The following CLMP variants were observed in gnomAD, a reference collection of about 807,000 sequenced individuals.
CLMP encodes CXADR-like membrane protein.
Under a neutral mutation model 45.2 loss-of-function variants are expected in CLMP, and 27 were observed. That is an observed-to-expected ratio of 0.60 (90% CI 0.44 to 0.82). The LOEUF is 0.82. CLMP is among the 40% of genes least tolerant of loss of function. CLMP has a pLI of 0.00. For missense variants in CLMP, 403 were observed against 448.4 expected, an observed-to-expected ratio of 0.90 and a Z score of 0.91; for synonymous variants, 167 against 171.4, an observed-to-expected ratio of 0.97 and a Z score of 0.20.
rs187036219 is a variant in CLMP, at chr11:123,190,772, A to G, written c.28+4141T>C. 9.8e-5 allele frequency among the ~76,000 whole-genome samples: 15 copies of G among 152,352 alleles called. 1 individual carries two copies. Among genetic ancestry groups the G allele is most frequent in the Admixed American group, 9.8e-4 (15 of 15,304 alleles). On this transcript the variant is annotated intron_variant, in intron 1 of 6. Coordinates refer to ENST00000448775, the MANE Select transcript of CLMP (RefSeq NM_024769.5). ...TAAAAACCAATGCCAATTATTCAGC[A>G]TTTAGCTCACTTAACTGAAGCATCA...
chr11:123,193,364 G>A (rs1283379069), intron 1 of CLMP, among the ~76,000 whole-genome samples: 1 of 152,216 alleles, frequency 6.6e-6, no homozygotes, highest in Non-Finnish European at 1.5e-5. Flanking sequence ...ATATAACAAG[G>A]ACTATTAGCT....
chr11:123,127,643 TAA>T (rs575047722), intron 1 of CLMP, among the ~76,000 whole-genome samples: 2 of 152,194 alleles, frequency 1.3e-5, no homozygotes, highest in African/African-American at 2.4e-5. Flanking sequence ...ACAACCCAGA[TAA>T]AGATATGACA....
At chr11:123,183,689 G>A (rs971300728) in intron 1 of CLMP, among the ~76,000 whole-genome samples, 3 of 152,146 alleles carry the variant, frequency 2.0e-5, no homozygotes, top group Non-Finnish European at 2.9e-5. Context: ...CACTGTATGC[G>A]TGAAACAAAT....
intron 1 of CLMP, among the ~76,000 whole-genome samples, chr11:123,150,824 C>T (rs924347240): frequency 3.9e-5 from 6 of 152,186 alleles, no homozygotes; most frequent in African/African-American, 1.4e-4. Flanking sequence ...TCAAGTGAGT[C>T]TCATACCTCA....
intron 5 of CLMP, among the ~76,000 whole-genome samples, chr11:123,080,862 G>C (rs911796290): frequency 6.6e-6 from 1 of 152,060 alleles, no homozygotes; most frequent in Non-Finnish European, 1.5e-5. Context: ...TAATAAGGGG[G>C]CGCTGGGTGT....
intron 5 of CLMP, among the ~76,000 whole-genome samples, chr11:123,076,170 A>AT (rs956318469): frequency 3.5e-4 from 54 of 152,192 alleles, no homozygotes; most frequent in African/African-American, 1.2e-3. Flanking sequence ...AAAAAAAAAA[A>AT]TTTTGAGTAG....
chr11:123,081,326 A>G (rs1865801681), intron 5 of CLMP, among the ~76,000 whole-genome samples: 1 of 152,104 alleles, frequency 6.6e-6, no homozygotes, highest in Non-Finnish European at 1.5e-5. Context: ...TTGTCTTTCA[A>G]CTTGGTTTAT....
intron 1 of CLMP, among the ~76,000 whole-genome samples, chr11:123,140,944 T>C (rs1051588274): frequency 2.6e-5 from 4 of 152,104 alleles, no homozygotes; most frequent in Non-Finnish European, 5.9e-5. Context: ...CTGGATCATC[T>C]GTTAATTAAT....
At chr11:123,117,950 C>T (rs557068044) in intron 1 of CLMP, among the ~76,000 whole-genome samples, 39 of 152,238 alleles carry the variant, frequency 2.6e-4, no homozygotes, top group Admixed American at 1.5e-3. Flanking sequence ...AAGAATGTGG[C>T]GGTCTTCCTC....
At chr11:123,146,941 C>A (rs1861247282) in intron 1 of CLMP, among the ~76,000 whole-genome samples, 1 of 152,134 alleles carries the variant, frequency 6.6e-6, no homozygotes, top group African/African-American at 2.4e-5. Flanking sequence ...CATGTTTGAT[C>A]CCTCGCTCTT....
intron 1 of CLMP, among the ~76,000 whole-genome samples, chr11:123,152,453 G>A (rs574079630): frequency 1.9e-3 from 291 of 152,000 alleles, no homozygotes; most frequent in Non-Finnish European, 3.4e-3. Context: ...AACCCGGGAG[G>A]TAGAGGTTGC....
chr11:123,082,979 A>G, intron 5 of CLMP, 106 bp downstream of exon 5: 1 of 1,370,284 alleles, frequency 7.3e-7, no homozygotes, highest in East Asian at 2.3e-5. Flanking sequence ...GGAGATAAAG[A>G]TTTTGACCTT....
At chr11:123,118,091 T>C (rs1251674536) in intron 1 of CLMP, among the ~76,000 whole-genome samples, 2 of 152,174 alleles carry the variant, frequency 1.3e-5, no homozygotes, top group Non-Finnish European at 2.9e-5. Context: ...TAAGTGGCTT[T>C]AAAACAACCA....
chr11:123,101,071 C>G (rs1186242665), intron 1 of CLMP, among the ~76,000 whole-genome samples: 1 of 152,182 alleles, frequency 6.6e-6, no homozygotes, highest in Non-Finnish European at 1.5e-5. Flanking sequence ...CTTCCATTCT[C>G]TGTAGTTTCC....
chr11:123,144,067 G>A (rs183940951), intron 1 of CLMP, among the ~76,000 whole-genome samples: 211 of 152,170 alleles, frequency 1.4e-3, no homozygotes, highest in Non-Finnish European at 2.0e-3. Context: ...CCTCAGATCC[G>A]TCTCCCAGAG....
intron 2 of CLMP, among the ~76,000 whole-genome samples, chr11:123,089,654 G>A (rs373084664): frequency 9.2e-5 from 14 of 151,544 alleles, no homozygotes; most frequent in Admixed American, 2.0e-4. Context: ...GCGGGCGCCC[G>A]TAGTTCCAGC....
rs554760812 is a variant in CLMP, at chr11:123,093,114, G to C, written c.186+4681C>G. 1.5e-4 allele frequency among the ~76,000 whole-genome samples: 22 copies of C among 151,600 alleles called. No homozygotes were observed. The South Asian group carries it at 4.6e-3, about 32-fold the overall frequency. ...GTAGAGACGGGGTTTCACCATGTTG[G>C]TCAGGTTGGTCTCAAACTCCTGACC... On this transcript the variant is annotated intron_variant, in intron 2 of 6. Coordinates refer to ENST00000448775, the MANE Select transcript of CLMP (RefSeq NM_024769.5).
intron 1 of CLMP, among the ~76,000 whole-genome samples, chr11:123,144,088 A>G (rs1345143261): frequency 6.6e-6 from 1 of 152,200 alleles, no homozygotes; most frequent in Non-Finnish European, 1.5e-5. Context: ...TGCTAGGATT[A>G]CAGGCAAGAG....
chr11:123,133,391 C>G (rs190971091), intron 1 of CLMP, among the ~76,000 whole-genome samples: 1 of 152,082 alleles, frequency 6.6e-6, no homozygotes, highest in East Asian at 1.9e-4. Flanking sequence ...GTCTGACCAC[C>G]GTCAACATCT....
Sources: allele counts gnomAD v4.1 joint callset (sites outside exome capture counted in the v4.1 genomes callset), GRCh38; gene constraint gnomAD v4.1.1; transcripts MANE v1.5; gene names NCBI Gene and HGNC (gene_info 2026-07-23, HGNC 2026-07-21).